Variants in KLF12 observed in about 807,000 individuals in gnomAD.
KLF12 encodes KLF transcription factor 12, also known as Krueppel-like factor 12.
KLF12 carries 9 observed loss-of-function variants against 37.8 expected under a neutral mutation model. That is an observed-to-expected ratio of 0.24 (90% CI 0.14 to 0.42). KLF12 has a LOEUF of 0.42. Among genes scored for constraint, KLF12 ranks in the 10% least tolerant of loss-of-function variants. KLF12 has a pLI of 1.00. For synonymous variants in KLF12, 208 were observed against 202.1 expected (o/e 1.03, Z -0.25); for missense variants, 411 against 516.0 (o/e 0.80, Z 1.97).
chr13:74,137,710 C>T (rs180794364), upstream of KLF12, among the ~76,000 whole-genome samples: 302 of 152,130 alleles, frequency 2.0e-3, no homozygotes, highest in Admixed American at 3.5e-3. Context: ...GTGATACTGT[C>T]TTTGTAAAAT....
intron 1 of KLF12, among the ~76,000 whole-genome samples, chr13:74,018,815 T>C (rs1185376180): frequency 6.6e-6 from 1 of 152,236 alleles, no homozygotes; most frequent in African/African-American, 2.4e-5. Flanking sequence ...ATGTAGTTTT[T>C]ACTGAACATT....
the KLF12 span, among the ~76,000 whole-genome samples, chr13:74,177,626 T>C: frequency 6.6e-6 from 1 of 152,176 alleles, no homozygotes; most frequent in African/African-American, 2.4e-5. Flanking sequence ...ATTTATATTT[T>C]GGGAAGATCA....
chr13:73,938,436 C>A (rs1890045212), intron 3 of KLF12, among the ~76,000 whole-genome samples: 2 of 152,160 alleles, frequency 1.3e-5, no homozygotes, highest in African/African-American at 2.4e-5. Context: ...AGCCTAACGA[C>A]TGGAGTCTTT....
At chr13:73,795,245 G>A (rs898157571) in intron 5 of KLF12, among the ~76,000 whole-genome samples, 2 of 152,132 alleles carry the variant, frequency 1.3e-5, no homozygotes, top group African/African-American at 2.4e-5. Context: ...ATAAATGTAA[G>A]CTTCTCCCAT....
chr13:74,239,948 A>T, the KLF12 span, among the ~76,000 whole-genome samples: 1 of 150,282 alleles, frequency 6.7e-6, no homozygotes, highest in East Asian at 2.0e-4. Context: ...TTTACATTTA[A>T]AGTTAATAGT....
intron 6 of KLF12, among the ~76,000 whole-genome samples, chr13:73,716,184 C>G (rs1875789920): frequency 6.6e-6 from 1 of 152,140 alleles, no homozygotes; most frequent in Non-Finnish European, 1.5e-5. Context: ...AAAGTTTTAA[C>G]TAAGAAATTT....
chr13:74,021,663 T>C (rs1892845065), intron 1 of KLF12, among the ~76,000 whole-genome samples: 1 of 152,248 alleles, frequency 6.6e-6, no homozygotes, highest in African/African-American at 2.4e-5. Flanking sequence ...AGTCAGCAAA[T>C]GCTACAAATA....
intron 3 of KLF12, among the ~76,000 whole-genome samples, chr13:73,865,165 T>C (rs1886109945): frequency 6.6e-6 from 1 of 152,264 alleles, no homozygotes; most frequent in East Asian, 1.9e-4. Context: ...AGAAATAACA[T>C]GAGTAGCTCT....
At chr13:74,202,626 A>T in the KLF12 span, among the ~76,000 whole-genome samples, 3 of 152,084 alleles carry the variant, frequency 2.0e-5, no homozygotes, top group Non-Finnish European at 2.9e-5. Flanking sequence ...TGTTTTTCTC[A>T]CACCAAATCC....
chr13:73,950,998 T>C (rs1275922053), intron 2 of KLF12, among the ~76,000 whole-genome samples: 2 of 152,182 alleles, frequency 1.3e-5, no homozygotes, highest in East Asian at 1.9e-4. Flanking sequence ...CCTGGGCACA[T>C]GCTTGGACAC....
chr13:74,036,649 T>C (rs1403927689), intron 1 of KLF12, among the ~76,000 whole-genome samples: 1 of 152,184 alleles, frequency 6.6e-6, no homozygotes, highest in African/African-American at 2.4e-5. Flanking sequence ...CTAACAGACA[T>C]TCACTTTGCA....
chr13:73,711,499 A>T (rs943229509), intron 7 of KLF12, among the ~76,000 whole-genome samples: 2 of 152,202 alleles, frequency 1.3e-5, no homozygotes, highest in African/African-American at 4.8e-5. Flanking sequence ...GCCCTTAAAG[A>T]ATTATGCTAA....
chr13:73,717,648 G>A (rs1164316882), intron 6 of KLF12, among the ~76,000 whole-genome samples: 1 of 152,216 alleles, frequency 6.6e-6, no homozygotes, highest in Non-Finnish European at 1.5e-5. Context: ...TACCACAGTA[G>A]AATGAAAGAA....
At chr13:73,811,888 T>G (rs2138426260) in intron 5 of KLF12, among the ~76,000 whole-genome samples, 1 of 152,308 alleles carries the variant, frequency 6.6e-6, no homozygotes, top group Non-Finnish European at 1.5e-5. Flanking sequence ...AGACATACAC[T>G]TATGCTGTGA....
chr13:73,844,558 A>G (rs1214256113), intron 4 of KLF12: 1 of 152,220 alleles, frequency 6.6e-6, no homozygotes, highest in Non-Finnish European at 1.5e-5. Flanking sequence ...TAGTTTGATT[A>G]AACTAGGAAG....
At chr13:73,860,278 T>C (rs934409127) in intron 3 of KLF12, among the ~76,000 whole-genome samples, 4 of 152,242 alleles carry the variant, frequency 2.6e-5, no homozygotes, top group African/African-American at 7.2e-5. Context: ...TTTGTGCTTC[T>C]TTCTCTTACG....
the KLF12 span, among the ~76,000 whole-genome samples, chr13:74,179,281 C>A: frequency 3.3e-5 from 5 of 152,134 alleles, no homozygotes; most frequent in Admixed American, 2.6e-4. Flanking sequence ...GAGAGATATG[C>A]CTATTAGCAG....
the KLF12 span, among the ~76,000 whole-genome samples, chr13:74,280,833 T>C: frequency 1.4e-5 from 2 of 147,966 alleles, no homozygotes; most frequent in Non-Finnish European, 3.0e-5. Flanking sequence ...TTCTTTTTTT[T>C]TTTTTTTTGC....
the KLF12 span, among the ~76,000 whole-genome samples, chr13:74,189,443 A>T: frequency 6.6e-6 from 1 of 152,150 alleles, no homozygotes. Flanking sequence ...CACCGAGCTT[A>T]ACTCGTGTAT....
Sources: gnomAD v4.1 joint callset for allele counts (sites outside exome capture counted in the v4.1 genomes callset) on GRCh38, gnomAD v4.1.1 for gene constraint, MANE v1.5 for transcripts, NCBI Gene and HGNC (gene_info 2026-07-23, HGNC 2026-07-21) for gene names.